The following CCNY variants were observed in gnomAD, a reference collection of about 807,000 sequenced individuals.
CCNY encodes cyclin Y, also known as cyclin-Y.
In CCNY, 19 loss-of-function variants were observed where a neutral mutation model predicts 42.8. That is an observed-to-expected ratio of 0.44 (90% confidence interval 0.31 to 0.65). The LOEUF is 0.65. CCNY is among the 30% of genes least tolerant of loss of function. The pLI, the probability that CCNY is intolerant of heterozygous loss-of-function variation, is 0.07. For missense variants in CCNY, 370 were observed against 437.3 expected, an observed-to-expected ratio of 0.85 and a Z score of 1.37; for synonymous variants, 165 against 162.7, an observed-to-expected ratio of 1.01 and a Z score of -0.11.
intron 1 of CCNY, among the ~76,000 whole-genome samples, chr10:35,450,690 ATTTTTCTTTTTTT>A (rs1838896529): frequency 6.8e-6 from 1 of 146,820 alleles, no homozygotes; most frequent in Non-Finnish European, 1.5e-5. Context: ...TTACCAGGAG[ATTTTTCTTTTTTT>A]TTTTTCTTTC....
intron 3 of CCNY, chr10:35,314,926 T>C (rs1055472196): frequency 1.3e-5 from 2 of 151,800 alleles, no homozygotes; most frequent in African/African-American, 4.8e-5. Context: ...CTACAAAAAA[T>C]ACAAAATTAG....
intron 3 of CCNY, among the ~76,000 whole-genome samples, chr10:35,284,063 G>A (rs919219595): frequency 1.3e-5 from 2 of 152,110 alleles, no homozygotes; most frequent in African/African-American, 4.8e-5. Context: ...CAGCCTGGAA[G>A]ACAGAATGAG....
chr10:35,466,432 G>A (rs1318899202), intron 1 of CCNY, among the ~76,000 whole-genome samples: 1 of 152,214 alleles, frequency 6.6e-6, no homozygotes, highest in Non-Finnish European at 1.5e-5. Context: ...AACAAGGCCA[G>A]ACTGGAGGAG....
intron 3 of CCNY, among the ~76,000 whole-genome samples, chr10:35,300,520 A>T (rs966307142): frequency 2.6e-5 from 4 of 151,912 alleles, no homozygotes; most frequent in African/African-American, 9.7e-5. Context: ...GTCCAGTACC[A>T]GTTACTGCTT....
chr10:35,371,851 A>G (rs548284003), intron 1 of CCNY, among the ~76,000 whole-genome samples: 2 of 152,230 alleles, frequency 1.3e-5, no homozygotes, highest in African/African-American at 2.4e-5. Context: ...GAGGATGATC[A>G]GCAATTCTGA....
At position 35,480,971 on chromosome 10, in the gene CCNY, CA is replaced by C. The variant is rs200456746; in HGVS notation, c.155-2426del. Among the ~76,000 whole-genome samples the C allele has an allele frequency of 6.8e-4, 104 of 152,004 alleles. No individual in the cohort carries two copies. In the East Asian group the frequency reaches 0.019, roughly 27 times the overall value. On this transcript the variant is annotated intron_variant, in intron 1 of 9. Transcript: ENST00000374704. ...ACAGCGCAAGACCCCATCTCAAAAA[CA>C]AAAAAACAAACCAATGAAAGTGTTT...
At chr10:35,301,611 C>G (rs761578473) in intron 3 of CCNY, among the ~76,000 whole-genome samples, 4 of 152,020 alleles carry the variant, frequency 2.6e-5, no homozygotes, top group African/African-American at 9.7e-5. Flanking sequence ...TTATTGGAAG[C>G]CTGTTTTCAT....
At chr10:35,364,860 G>T (rs1319006765) in intron 1 of CCNY, among the ~76,000 whole-genome samples, 1 of 152,100 alleles carries the variant, frequency 6.6e-6, no homozygotes, top group Non-Finnish European at 1.5e-5. Context: ...ATTGGGAAAT[G>T]GTTCTAAGTG....
chr10:35,294,856 G>T (rs1835452153), intron 3 of CCNY, among the ~76,000 whole-genome samples: 1 of 152,194 alleles, frequency 6.6e-6, no homozygotes, highest in African/African-American at 2.4e-5. Context: ...ATTCACAAGT[G>T]AAGTTACCTG....
intron 3 of CCNY, among the ~76,000 whole-genome samples, chr10:35,507,160 G>A (rs1438890654): frequency 6.6e-6 from 1 of 152,198 alleles, no homozygotes; most frequent in Non-Finnish European, 1.5e-5. Flanking sequence ...CCTTGAAGGA[G>A]CATTCTACTT....
chr10:35,552,810 T>C (rs1413863107), intron 7 of CCNY, among the ~76,000 whole-genome samples: 1 of 152,234 alleles, frequency 6.6e-6, no homozygotes, highest in African/African-American at 2.4e-5. Flanking sequence ...AAGATCCAGC[T>C]GCACCCACAC....
At chr10:35,410,674 T>C (rs1280807563) in intron 1 of CCNY, among the ~76,000 whole-genome samples, 1 of 152,224 alleles carries the variant, frequency 6.6e-6, no homozygotes, top group African/African-American at 2.4e-5. Flanking sequence ...AAAGCAAGCT[T>C]AAGTTCAAGA....
intron 3 of CCNY, among the ~76,000 whole-genome samples, chr10:35,251,562 T>A (rs2095712070): frequency 1.3e-5 from 2 of 151,734 alleles, no homozygotes; most frequent in African/African-American, 4.8e-5. Context: ...AACCAAACTT[T>A]CCCTAGCAAG....
At chr10:35,543,667 T>C (rs1841051540) in intron 7 of CCNY, among the ~76,000 whole-genome samples, 1 of 152,060 alleles carries the variant, frequency 6.6e-6, no homozygotes, top group Non-Finnish European at 1.5e-5. Context: ...ACTATACTTT[T>C]TATTCTTAAC....
intron 1 of CCNY, among the ~76,000 whole-genome samples, chr10:35,456,846 T>C (rs990600128): frequency 6.6e-6 from 1 of 152,202 alleles, no homozygotes; most frequent in Admixed American, 6.5e-5. Flanking sequence ...GCCTGTGAAC[T>C]TGGCCGTCAG....
intron 3 of CCNY, among the ~76,000 whole-genome samples, chr10:35,504,110 A>G (rs1669565875): frequency 6.6e-6 from 1 of 152,144 alleles, no homozygotes; most frequent in Non-Finnish European, 1.5e-5. Context: ...TCAAGTTTTG[A>G]AGAACCCACT....
chr10:35,304,331 A>T (rs1589026097), intron 3 of CCNY, among the ~76,000 whole-genome samples: 3 of 46,026 alleles, frequency 6.5e-5, no homozygotes, highest in African/African-American at 4.8e-4. Flanking sequence ...TTTTTTTGAG[A>T]CGGAGTCTCG....
intron 2 of CCNY, among the ~76,000 whole-genome samples, chr10:35,484,714 A>G (rs1352963743): frequency 6.6e-6 from 1 of 152,212 alleles, no homozygotes; most frequent in African/African-American, 2.4e-5. Context: ...CAAGTTTTGC[A>G]GACACTGATA....
chr10:35,267,083 CAA>C (rs34140857), intron 3 of CCNY, among the ~76,000 whole-genome samples: 16 of 106,630 alleles, frequency 1.5e-4, no homozygotes, highest in Non-Finnish European at 1.2e-4. Flanking sequence ...ACTTCTGTCT[CAA>C]AAAAAAAAAA....
Sources: allele counts gnomAD v4.1 joint callset (sites outside exome capture counted in the v4.1 genomes callset), GRCh38; gene constraint gnomAD v4.1.1; transcripts MANE v1.5; gene names NCBI Gene and HGNC (gene_info 2026-07-23, HGNC 2026-07-21).